The following CLVS1 variants were observed in gnomAD, a reference collection of about 807,000 sequenced individuals.
CLVS1 encodes the protein clavesin-1.
Under a neutral mutation model 33.1 loss-of-function variants are expected in CLVS1, and 10 were observed. The ratio of observed to expected loss-of-function variants is 0.30; its 90% CI spans 0.19 to 0.51. The LOEUF (loss-of-function observed/expected upper bound fraction) is 0.51. Among genes scored for constraint, CLVS1 ranks in the 20% least tolerant of loss-of-function variants. CLVS1 has a pLI of 0.97. For missense variants in CLVS1, 343 were observed against 433.4 expected (o/e 0.79, Z 1.85); for synonymous variants, 163 against 166.1 (o/e 0.98, Z 0.14).
chr8:61,172,099 G>A (rs768708605), intron 2 of CLVS1, among the ~76,000 whole-genome samples: 94 of 152,152 alleles, frequency 6.2e-4, no homozygotes, highest in Non-Finnish European at 8.5e-4. Context: ...AAACTGTCTT[G>A]AAATAGGATT....
chr8:61,357,506 T>C (rs1375591660), intron 2 of CLVS1, among the ~76,000 whole-genome samples: 1 of 105,594 alleles, frequency 9.5e-6, no homozygotes, highest in Non-Finnish European at 1.9e-5. Flanking sequence ...TTTTTTTTTT[T>C]TTTTTTTTTT....
chr8:61,117,371 C>T (rs1805750054), intron 1 of CLVS1, among the ~76,000 whole-genome samples: 1 of 151,158 alleles, frequency 6.6e-6, no homozygotes, highest in Non-Finnish European at 1.5e-5. Flanking sequence ...ATTTCCTTCT[C>T]CTGCCTAATT....
At chr8:61,062,073 G>A (rs917367220) in intron 1 of CLVS1, among the ~76,000 whole-genome samples, 1 of 152,034 alleles carries the variant, frequency 6.6e-6, no homozygotes, top group Non-Finnish European at 1.5e-5. Flanking sequence ...TTCTGACTAG[G>A]TCACGTATGA....
intron 2 of CLVS1, among the ~76,000 whole-genome samples, chr8:61,357,306 C>T (rs1225332710): frequency 5.9e-5 from 9 of 151,978 alleles, no homozygotes; most frequent in Non-Finnish European, 1.3e-4. Context: ...ATCTATGGAA[C>T]TTTCTTTCAG....
intron 2 of CLVS1, among the ~76,000 whole-genome samples, chr8:61,176,491 T>C (rs1479486473): frequency 6.6e-6 from 1 of 152,202 alleles, no homozygotes; most frequent in African/African-American, 2.4e-5. Context: ...ATAGCTACTA[T>C]CAAGTATGAT....
chr8:61,063,288 A>AGAGAGAGAGG (rs1804617073), intron 1 of CLVS1, among the ~76,000 whole-genome samples: 1 of 108,928 alleles, frequency 9.2e-6, no homozygotes, highest in African/African-American at 6.3e-5. Context: ...AGAGAGAGAG[A>AGAGAGAGAGG]GAGAGATAGA....
chr8:61,007,866 AC>A, the CLVS1 span, among the ~76,000 whole-genome samples: 1 of 152,208 alleles, frequency 6.6e-6, no homozygotes, highest in African/African-American at 2.4e-5. Flanking sequence ...TGCGCTCGGA[AC>A]AGGTGGGAAG....
At chr8:61,107,969 G>A (rs564905151) in intron 1 of CLVS1, among the ~76,000 whole-genome samples, 1 of 152,124 alleles carries the variant, frequency 6.6e-6, no homozygotes, top group East Asian at 1.9e-4. Context: ...GGATTCATCA[G>A]AGAAAACCAT....
chr8:61,311,081 T>C (rs1172508305), intron 2 of CLVS1, among the ~76,000 whole-genome samples: 2 of 152,194 alleles, frequency 1.3e-5, no homozygotes, highest in Non-Finnish European at 2.9e-5. Context: ...GGTTTTCCTA[T>C]TTTGACCTAA....
chr8:61,310,881 G>T (rs1810807414), intron 2 of CLVS1, among the ~76,000 whole-genome samples: 1 of 152,126 alleles, frequency 6.6e-6, no homozygotes, highest in South Asian at 2.1e-4. Context: ...CTTTCTGTTG[G>T]CAAACAGAAT....
At chr8:61,217,605 T>C (rs1808117935) in intron 2 of CLVS1, among the ~76,000 whole-genome samples, 1 of 152,202 alleles carries the variant, frequency 6.6e-6, no homozygotes, top group Admixed American at 6.5e-5. Context: ...AAAGATTTCA[T>C]GATTAAGACC....
chr8:61,476,131 G>A lies in CLVS1; in HGVS notation c.977+17589G>A, dbSNP rs553525175. Among the ~76,000 whole-genome samples, 357 of 152,156 alleles carry A rather than the reference G, an allele frequency of 2.3e-3. 3 individuals are homozygous for A. The highest frequency in any genetic ancestry group is 8.2e-3 in the African/African-American group (339 of 41,500). On this transcript the variant is annotated intron_variant, in intron 5 of 5. Transcript: ENST00000325897. The stretch of plus-strand genomic sequence containing the variant: ...TAGATATGTGACATTATTTCTGAGG[G>A]CTCTGTTCTGTTCCATTGATCTATA...
At chr8:61,307,318 C>T (rs1204643978) in intron 2 of CLVS1, among the ~76,000 whole-genome samples, 4 of 152,058 alleles carry the variant, frequency 2.6e-5, no homozygotes, top group Admixed American at 6.5e-5. Context: ...AGAAGAGGCA[C>T]TTTAAGGATG....
chr8:61,094,523 G>C (rs913714555), intron 1 of CLVS1, among the ~76,000 whole-genome samples: 5 of 152,178 alleles, frequency 3.3e-5, no homozygotes, highest in African/African-American at 1.2e-4. Context: ...TTGGGTAACT[G>C]TTATGTACTG....
At chr8:61,489,349 A>G (rs1195301678) in intron 5 of CLVS1, among the ~76,000 whole-genome samples, 3 of 152,174 alleles carry the variant, frequency 2.0e-5, no homozygotes, top group Non-Finnish European at 2.9e-5. Context: ...AGCACAAGAG[A>G]TAGTGCTTAA....
chr8:61,441,835 A>C (rs1278287405), intron 3 of CLVS1, among the ~76,000 whole-genome samples: 1 of 152,212 alleles, frequency 6.6e-6, no homozygotes, highest in Non-Finnish European at 1.5e-5. Flanking sequence ...AATGAAGTGC[A>C]TTTCTAATGG....
At chr8:61,195,251 T>C (rs1157203676) in intron 2 of CLVS1, among the ~76,000 whole-genome samples, 2 of 151,208 alleles carry the variant, frequency 1.3e-5, no homozygotes, top group Non-Finnish European at 3.0e-5. Flanking sequence ...ACTGATAAAA[T>C]TGACAAACCT....
chr8:61,266,621 CTTCCTG>C (rs1305140243), intron 2 of CLVS1, among the ~76,000 whole-genome samples: 2 of 152,156 alleles, frequency 1.3e-5, no homozygotes, highest in Admixed American at 6.6e-5. Context: ...CTCTTTGCTC[CTTCCTG>C]TAAAAGAAAA....
At chr8:61,247,163 T>G (rs2129315323) in intron 2 of CLVS1, among the ~76,000 whole-genome samples, 1 of 152,368 alleles carries the variant, frequency 6.6e-6, no homozygotes, top group South Asian at 2.1e-4. Flanking sequence ...TTCCATGGTG[T>G]GTATACACCA....
Sources: allele counts gnomAD v4.1 joint callset (sites outside exome capture counted in the v4.1 genomes callset), GRCh38; gene constraint gnomAD v4.1.1; transcripts MANE v1.5; gene names NCBI Gene and HGNC (gene_info 2026-07-23, HGNC 2026-07-21).